LRMDA: variants seen among roughly 807,000 people sequenced by gnomAD.
The protein encoded by LRMDA is leucine rich melanocyte differentiation associated.
A neutral mutation model predicts 29.8 loss-of-function variants in LRMDA; 18 were observed. The ratio of observed to expected loss-of-function variants is 0.60; its 90% confidence interval spans 0.42 to 0.90. The LOEUF (loss-of-function observed/expected upper bound fraction) is 0.90. LRMDA is among the 40% of genes least tolerant of loss of function. LRMDA has a pLI of 0.00. For missense variants in LRMDA, 273 were observed against 273.9 expected (o/e 1.00, Z 0.02); for synonymous variants, 125 against 109.4 (o/e 1.14, Z -0.89).
At chr10:76,508,995 G>C (rs147837630) in intron 6 of LRMDA, among the ~76,000 whole-genome samples, 32 of 152,216 alleles carry the variant, frequency 2.1e-4, no homozygotes, top group Non-Finnish European at 4.3e-4. Flanking sequence ...TCTTAGCAAT[G>C]AGTCTAGTAC....
intron 6 of LRMDA, among the ~76,000 whole-genome samples, chr10:76,373,555 A>G (rs1225347184): frequency 6.6e-6 from 1 of 152,042 alleles, no homozygotes; most frequent in African/African-American, 2.4e-5. Flanking sequence ...TGGACAAGAT[A>G]TTGTTATCTC....
chr10:76,271,792 A>G (rs1424490696), intron 5 of LRMDA, among the ~76,000 whole-genome samples: 2 of 152,220 alleles, frequency 1.3e-5, no homozygotes, highest in Admixed American at 6.5e-5. Context: ...ATAGTTTAGC[A>G]TCTTTGCATT....
intron 6 of LRMDA, among the ~76,000 whole-genome samples, chr10:76,364,709 C>T (rs1412367712): frequency 6.6e-6 from 1 of 151,816 alleles, no homozygotes; most frequent in African/African-American, 2.4e-5. Flanking sequence ...GGATGTTTAA[C>T]TTTTTTCCCC....
chr10:76,054,742 CG>C (rs1294219179), intron 4 of LRMDA, among the ~76,000 whole-genome samples: 1 of 150,732 alleles, frequency 6.6e-6, no homozygotes, highest in Non-Finnish European at 1.5e-5. Context: ...AAGCAGAAGA[CG>C]GAAGTTTTCT....
chr10:76,314,082 A>C lies in LRMDA; in HGVS notation c.517-10319A>C, dbSNP rs537914744. 2.0e-5 allele frequency among the ~76,000 whole-genome samples: 3 copies of C among 152,306 alleles called. No homozygotes were observed. In the East Asian group the frequency reaches 5.8e-4, roughly 29 times the overall value. ...AAAGCAACTTCTCAAAGAATTAAGA[A>C]AAGATTATTAAATGAGAAGGAATAT... On this transcript the variant is annotated intron_variant, in intron 5 of 6. Transcript: ENST00000611255.
intron 2 of LRMDA, among the ~76,000 whole-genome samples, chr10:75,508,467 G>T (rs535125867): frequency 6.6e-6 from 1 of 152,276 alleles, no homozygotes; most frequent in South Asian, 2.1e-4. Flanking sequence ...ATTTCAGAGT[G>T]GAAGAGAAAC....
At chr10:76,144,350 T>C (rs1021667406) in intron 5 of LRMDA, among the ~76,000 whole-genome samples, 170 of 152,346 alleles carry the variant, frequency 1.1e-3, no homozygotes, top group Non-Finnish European at 2.2e-3. Flanking sequence ...CATTTGTTTG[T>C]ATCCTCTTTT....
intron 2 of LRMDA, among the ~76,000 whole-genome samples, chr10:75,568,213 G>C: frequency 6.6e-6 from 1 of 152,178 alleles, no homozygotes. Flanking sequence ...GGGAATTGCT[G>C]TCTTATTATA....
intron 2 of LRMDA, among the ~76,000 whole-genome samples, chr10:75,555,916 C>T (rs903991745): frequency 1.3e-5 from 2 of 152,020 alleles, no homozygotes; most frequent in African/African-American, 4.8e-5. Context: ...ATTATAATAT[C>T]AAACAAAAAA....
chr10:75,756,456 C>T (rs768703991), intron 2 of LRMDA, among the ~76,000 whole-genome samples: 4 of 152,146 alleles, frequency 2.6e-5, no homozygotes, highest in Non-Finnish European at 4.4e-5. Flanking sequence ...TCCTGGAGAT[C>T]CCCAATATCA....
In LRMDA at chr10:76,377,045, C is replaced by T. The variant is rs187385929; in HGVS notation, c.601+52560C>T. Among the ~76,000 whole-genome samples, 608 of 151,992 alleles carry T rather than the reference C, an allele frequency of 4.0e-3. 4 individuals carry two copies. Among genetic ancestry groups the T allele is most frequent in the African/African-American group, 0.013 (532 of 41,486 alleles). On this transcript the variant is annotated intron_variant, in intron 6 of 6. Transcript: ENST00000611255. ...GGACTACAAGTGCCTGCCACCACAC[C>T]TGGCTAATTTTTTGTATGTTTAGTA...
chr10:75,526,718 T>A (rs971893611), intron 2 of LRMDA, among the ~76,000 whole-genome samples: 5 of 151,936 alleles, frequency 3.3e-5, no homozygotes, highest in Admixed American at 6.6e-5. Flanking sequence ...TAGCTGGGTG[T>A]GGTGGCACAT....
At chr10:75,996,983 C>T (rs1347971670) in intron 2 of LRMDA, among the ~76,000 whole-genome samples, 3 of 152,218 alleles carry the variant, frequency 2.0e-5, no homozygotes, top group Admixed American at 1.3e-4. Flanking sequence ...CCACCCGCCT[C>T]GCCCTCCCAA....
rs1184922801 is a variant in LRMDA, at chr10:76,105,555, A to C, written c.516+46772A>C. Among the ~76,000 whole-genome samples, 4 of 152,262 alleles carry C rather than the reference A, an allele frequency of 2.6e-5. No individual in the cohort carries two copies. The East Asian group carries it at 7.8e-4, about 30-fold the overall frequency. ...GACAGGGAAACAGACACAGAGACAC[A>C]GGGGAGAAGGCCAGGAGAAGACAGG... is the stretch of plus-strand genomic sequence containing the variant. On this transcript the variant is annotated intron_variant, in intron 5 of 6. Transcript: ENST00000611255.
chr10:75,556,166 A>G (rs1840210970), intron 2 of LRMDA, among the ~76,000 whole-genome samples: 2 of 152,200 alleles, frequency 1.3e-5, no homozygotes, highest in South Asian at 2.1e-4. Context: ...AAGAAGCTCA[A>G]TCATTAAGCA....
rs759952484 is a variant in LRMDA at position 76,196,847 on chromosome 10, G to T, written c.517-127554G>T. ...TTGCCGTATTTCAACTTAGCACAGG[G>T]TCCATTCTCTACCTTTGTGACATCT... On this transcript the variant is annotated intron_variant, in intron 5 of 6. Transcript: ENST00000611255. Among the ~76,000 whole-genome samples, 43 of 152,196 alleles carry T rather than the reference G, an allele frequency of 2.8e-4. 1 individual carries two copies. Among genetic ancestry groups the T allele is most frequent in the Admixed American group, 2.6e-4 (4 of 15,280 alleles).
chr10:75,494,178 T>C (rs1232267957), intron 2 of LRMDA, among the ~76,000 whole-genome samples: 1 of 152,250 alleles, frequency 6.6e-6, no homozygotes, highest in Non-Finnish European at 1.5e-5. Flanking sequence ...TCCATGTTTC[T>C]TTCCGCCTAA....
intron 5 of LRMDA, among the ~76,000 whole-genome samples, chr10:76,217,647 G>A (rs556036072): frequency 2.6e-5 from 4 of 152,284 alleles, no homozygotes; most frequent in Admixed American, 6.5e-5. Flanking sequence ...ACTGCTTTAC[G>A]ATGAGTCAAG....
At chr10:75,993,753 T>C (rs1473751881) in intron 2 of LRMDA, among the ~76,000 whole-genome samples, 1 of 151,222 alleles carries the variant, frequency 6.6e-6, no homozygotes, top group Non-Finnish European at 1.5e-5. Context: ...AAAGAAACCA[T>C]GACTCATTTA....
Sources: allele counts gnomAD v4.1 joint callset (sites outside exome capture counted in the v4.1 genomes callset), GRCh38; gene constraint gnomAD v4.1.1; transcripts MANE v1.5; gene names NCBI Gene and HGNC (gene_info 2026-07-23, HGNC 2026-07-21).